The following BDNF variants were observed in gnomAD, a reference collection of about 807,000 sequenced individuals.
BDNF encodes the protein brain derived neurotrophic factor.
BDNF carries 1 observed loss-of-function variant against 19.5 expected under a neutral mutation model. The ratio of observed to expected loss-of-function variants is 0.05; its 90% confidence interval spans 0.02 to 0.24. The LOEUF is 0.24. Among genes scored for constraint, BDNF ranks in the 10% least tolerant of loss-of-function variants. The pLI is 1.00. For missense variants in BDNF, 195 were observed against 317.6 expected, an observed-to-expected ratio of 0.61 and a Z score of 2.93; for synonymous variants, 100 against 121.6, an observed-to-expected ratio of 0.82 and a Z score of 1.17.
chr11:27,681,358 CA>C (rs1331027314), intron 1 of BDNF, among the ~76,000 whole-genome samples: 2 of 152,076 alleles, frequency 1.3e-5, no homozygotes, highest in Non-Finnish European at 1.5e-5. Flanking sequence ...TTTTTCTAGA[CA>C]AAAACATCAT....
intron 1 of BDNF, among the ~76,000 whole-genome samples, chr11:27,713,846 A>G (rs1378249194): frequency 6.6e-6 from 1 of 152,208 alleles, no homozygotes; most frequent in Admixed American, 6.5e-5. Flanking sequence ...GTCCTATACA[A>G]GCTACAGCTT....
At chr11:27,669,939 C>T (rs1281016620) in intron 1 of BDNF, among the ~76,000 whole-genome samples, 1 of 152,158 alleles carries the variant, frequency 6.6e-6, no homozygotes, top group Non-Finnish European at 1.5e-5. Flanking sequence ...AAAAAAGAGC[C>T]CGCATCGCCA....
At chr11:27,681,646 A>C (rs1856840306) in intron 1 of BDNF, among the ~76,000 whole-genome samples, 1 of 152,184 alleles carries the variant, frequency 6.6e-6, no homozygotes, top group African/African-American at 2.4e-5. Flanking sequence ...TAGTCTTGTA[A>C]ACTTTGCTAT....
intron 1 of BDNF, among the ~76,000 whole-genome samples, chr11:27,683,998 T>C (rs1418214751): frequency 1.3e-5 from 2 of 152,178 alleles, no homozygotes; most frequent in African/African-American, 4.8e-5. Context: ...CTTTGGGCAG[T>C]ATGGCCATTT....
chr11:27,701,761 T>A (rs1859909952), upstream of BDNF: 1 of 344,150 alleles, frequency 2.9e-6, no homozygotes, highest in South Asian at 1.2e-4. Context: ...AAATGATACA[T>A]CTTTTATTAG....
At chr11:27,663,530 G>C (rs1347383347) in intron 1 of BDNF, among the ~76,000 whole-genome samples, 1 of 152,220 alleles carries the variant, frequency 6.6e-6, no homozygotes, top group African/African-American at 2.4e-5. Flanking sequence ...ATTTGTCTAA[G>C]AGACTATAGA....
At chr11:27,669,538 T>C (rs76069707) in intron 1 of BDNF, among the ~76,000 whole-genome samples, 81,954 of 151,952 alleles carry the variant, frequency 0.54, 25,142 homozygotes, top group East Asian at 0.75. Flanking sequence ...CTCCTTAAGC[T>C]GATAAGCAAC....
intron 1 of BDNF, among the ~76,000 whole-genome samples, chr11:27,696,890 G>C (rs968368959): frequency 1.3e-5 from 2 of 152,128 alleles, no homozygotes; most frequent in African/African-American, 4.8e-5. Flanking sequence ...AAGATATTCA[G>C]AGTTTAGCTA....
At chr11:27,678,343 A>G (rs1017497037) in intron 1 of BDNF, among the ~76,000 whole-genome samples, 5 of 152,230 alleles carry the variant, frequency 3.3e-5, no homozygotes, top group African/African-American at 1.2e-4. Context: ...AGGAGGGGAA[A>G]AGGACCCAGT....
At chr11:27,674,149 CAT>C in intron 1 of BDNF, 1 of 1,611,496 alleles carries the variant, frequency 6.2e-7, no homozygotes, top group Admixed American at 1.7e-5. Context: ...GATGCACAGT[CAT>C]GCCATACAGA....
intron 1 of BDNF, among the ~76,000 whole-genome samples, chr11:27,684,330 A>G (rs549937621): frequency 4.0e-4 from 61 of 152,322 alleles, no homozygotes; most frequent in African/African-American, 1.3e-3. Flanking sequence ...TAAATATACA[A>G]TCATGTCATC....
intron 1 of BDNF, among the ~76,000 whole-genome samples, chr11:27,711,628 G>T (rs147699140): frequency 6.5e-4 from 99 of 152,320 alleles, no homozygotes; most frequent in Middle Eastern, 3.4e-3. Flanking sequence ...TGGGTTTGAA[G>T]TTTAGCTTCT....
chr11:27,718,354 A>C (rs181375716), intron 1 of BDNF, among the ~76,000 whole-genome samples: 4,114 of 100,462 alleles, frequency 0.041, no homozygotes, highest in Admixed American at 0.056. Flanking sequence ...TCCGCACACC[A>C]CCCCCCCCCG....
At chr11:27,669,364 T>TGTCA (rs1248488729) in intron 1 of BDNF, among the ~76,000 whole-genome samples, 2 of 152,236 alleles carry the variant, frequency 1.3e-5, no homozygotes, top group African/African-American at 4.8e-5. Flanking sequence ...GGATGTCCTC[T>TGTCA]GTCACCACTC....
chr11:27,707,601 T>A (rs566559645), intron 1 of BDNF, among the ~76,000 whole-genome samples: 1 of 152,292 alleles, frequency 6.6e-6, no homozygotes, highest in African/African-American at 2.4e-5. Flanking sequence ...CAAGAAGTTA[T>A]AAGTCTAGTT....
chr11:27,674,578 A>G (rs1383946711), intron 1 of BDNF: 1 of 985,126 alleles, frequency 1.0e-6, no homozygotes. Flanking sequence ...GAAAATATTA[A>G]CATCTTAGAT....
intron 1 of BDNF, among the ~76,000 whole-genome samples, chr11:27,673,427 G>C (rs1306891691): frequency 6.6e-6 from 1 of 152,060 alleles, no homozygotes; most frequent in Non-Finnish European, 1.5e-5. Flanking sequence ...GAGAGAAAGA[G>C]AAAAAAAGTT....
intron 1 of BDNF, among the ~76,000 whole-genome samples, chr11:27,716,758 C>T (rs1488893649): frequency 2.0e-5 from 3 of 152,066 alleles, no homozygotes; most frequent in African/African-American, 4.8e-5. Context: ...CAAAGAGTAG[C>T]TTTACTGGCC....
chr11:27,719,707 T>G lies in BDNF; in HGVS notation c.3+1705A>C, dbSNP rs1390730945. 1.2e-5 allele frequency: 11 copies of G among 885,138 alleles called. No homozygotes were observed. The East Asian group carries it at 1.6e-3, about 130-fold the overall frequency. The allele number at this position is 885,138 out of a possible 1,614,324, so 54.8% of individuals were successfully genotyped here. A position where few individuals can be genotyped will look rare whatever the true frequency, so the allele number is the denominator to read the frequency against. The stretch of plus-strand genomic sequence containing the variant: ...GGGCGACGGAGAGGAAGAGATAGAA[T>G]GAGGGAGGGATGGAGGCTGGAGGAG... On this transcript the variant is annotated intron_variant, in intron 1 of 1. Coordinates refer to the BDNF transcript ENST00000314915.
Sources: gnomAD v4.1 joint callset for allele counts (sites outside exome capture counted in the v4.1 genomes callset) on GRCh38, gnomAD v4.1.1 for gene constraint, MANE v1.5 for transcripts, NCBI Gene and HGNC (gene_info 2026-07-23, HGNC 2026-07-21) for gene names.